DMD: variants seen among roughly 807,000 people sequenced by gnomAD.
The protein encoded by DMD is mutant dystrophin.
Under a neutral mutation model 330.1 loss-of-function variants are expected in DMD, and 63 were observed. The ratio of observed to expected loss-of-function variants is 0.19; its 90% CI spans 0.16 to 0.24. DMD has a LOEUF of 0.24. Among genes scored for constraint, DMD ranks in the 10% least tolerant of loss-of-function variants. The probability of loss-of-function intolerance (pLI) is 1.00; values close to 1 mark genes in which losing one functional copy is unlikely to be tolerated. For missense variants in DMD, 3,344 were observed against 2,684.1 expected, an observed-to-expected ratio of 1.25 and a Z score of -5.43; for synonymous variants, 1,223 against 959.8, an observed-to-expected ratio of 1.27 and a Z score of -5.07.
intron 50 of DMD, among the ~76,000 whole-genome samples, chrX:31,792,598 C>T (rs1031666016): frequency 1.8e-4 from 20 of 112,254 alleles, no homozygotes; most frequent in Admixed American, 8.5e-4. Context: ...TACTTAGTAA[C>T]GAAGCAGGAT....
intron 6 of DMD, among the ~76,000 whole-genome samples, chrX:32,814,942 G>A (rs1406124409): frequency 1.8e-5 from 2 of 111,452 alleles, no homozygotes. Flanking sequence ...GGCCCTTAGT[G>A]TTAAGCATGT....
At chrX:31,716,720 T>A (rs1158212986) in intron 52 of DMD, among the ~76,000 whole-genome samples, 2 of 98,503 alleles carry the variant, frequency 2.0e-5, no homozygotes, top group African/African-American at 7.7e-5. Flanking sequence ...TTGAACTTAA[T>A]TGAAATAAAC....
At chrX:32,476,953 A>G (rs780709101) in intron 21 of DMD, among the ~76,000 whole-genome samples, 3 of 111,545 alleles carry the variant, frequency 2.7e-5, no homozygotes, top group Admixed American at 1.9e-4. Flanking sequence ...AACATATCCA[A>G]TCTAATAACC....
At chrX:33,300,597 T>G (rs996195905) in intron 1 of DMD, among the ~76,000 whole-genome samples, 3 of 111,784 alleles carry the variant, frequency 2.7e-5, no homozygotes, top group Non-Finnish European at 5.7e-5. Flanking sequence ...TGGGAATTTA[T>G]TGGGTCATGA....
At chrX:32,556,867 A>C (rs2050359817) in intron 16 of DMD, among the ~76,000 whole-genome samples, 1 of 111,935 alleles carries the variant, frequency 8.9e-6, no homozygotes, top group Admixed American at 9.5e-5. Context: ...TTGAATATTT[A>C]GATACTTACT....
chrX:32,023,976 A>G (rs1176837637), intron 44 of DMD, among the ~76,000 whole-genome samples: 1 of 111,588 alleles, frequency 9.0e-6, no homozygotes, highest in Non-Finnish European at 1.9e-5. Context: ...TTGAAGAACT[A>G]GTGGTTACCA....
At chrX:32,878,271 G>C (rs1039528118) in intron 2 of DMD, among the ~76,000 whole-genome samples, 2 of 110,813 alleles carry the variant, frequency 1.8e-5, no homozygotes, top group East Asian at 2.9e-4. Context: ...CCAGCTACTC[G>C]GGAGGCTAAG....
At chrX:32,370,224 T>G (rs1167214724) in intron 34 of DMD, among the ~76,000 whole-genome samples, 4 of 109,242 alleles carry the variant, frequency 3.7e-5, no homozygotes, top group Admixed American at 9.8e-5. Flanking sequence ...GTAGTGTTTT[T>G]TTTTTTTTTT....
At chrX:31,137,787 A>T in intron 76 of DMD, among the ~76,000 whole-genome samples, 1 of 110,961 alleles carries the variant, frequency 9.0e-6, no homozygotes, top group Non-Finnish European at 1.9e-5. Context: ...GAGGGCTAGC[A>T]AGGGACAATG....
upstream of DMD, among the ~76,000 whole-genome samples, chrX:33,213,378 C>T (rs1411652254): frequency 1.8e-5 from 2 of 111,656 alleles, no homozygotes; most frequent in African/African-American, 6.5e-5. Flanking sequence ...ATATACTTCC[C>T]TTAAGATTTT....
chrX:32,111,333 CA>C (rs1361927159), intron 44 of DMD, among the ~76,000 whole-genome samples: 1 of 112,044 alleles, frequency 8.9e-6, no homozygotes, highest in African/African-American at 3.2e-5. Flanking sequence ...TTTCTTTAAA[CA>C]ATTTTTTTAT....
At position 32,518,141 on chromosome X, in the gene DMD, C is replaced by T. The variant is rs908140742; in HGVS notation, c.2169-10G>A. 1 of 1,202,953 alleles carries T rather than the reference C, an allele frequency of 8.3e-7. No individual in the cohort carries two copies. The highest frequency in any genetic ancestry group is 2.2e-5 in the Admixed American group (1 of 45,713). On this transcript the variant is annotated splice_polypyrimidine_tract_variant and intron_variant, in intron 17 of 78. Transcript: ENST00000357033. The stretch of plus-strand genomic sequence containing the variant: ...TATATCAACATCCAACCTAAGACAG[C>T]AAAAAATAAAAGTCATTATTTCTTG...
intron 2 of DMD, among the ~76,000 whole-genome samples, chrX:32,861,593 C>T (rs2082079326): frequency 1.8e-5 from 2 of 111,198 alleles, no homozygotes; most frequent in Non-Finnish European, 3.8e-5. Context: ...TCTTAGACTC[C>T]TAAGAATGAA....
intron 1 of DMD, among the ~76,000 whole-genome samples, chrX:33,291,248 G>A (rs1431697439): frequency 2.7e-5 from 3 of 111,434 alleles, no homozygotes; most frequent in Non-Finnish European, 5.7e-5. Context: ...TATTGTTGGA[G>A]TATATCTTAA....
Position 32,491,400 on chromosome X carries a change from G to A in DMD, c.2499C>T (p.Ile833=), listed in dbSNP as rs752188036. Residue 833 remains isoleucine (I), a synonymous_variant, in exon 20 of 79, where the codon ATC becomes ATT. Transcript: ENST00000357033. ...LNWLEYQNNI[I]AFYNQLQQLE... The stretch of plus-strand genomic sequence containing the variant: ...ATTGTTGTAGCTGATTATAGAAAGC[G>A]ATGATGTTGTTCTGATACTCCAGCC... 1.7e-6 allele frequency: 2 copies of A among 1,211,650 alleles called. No individual in the cohort carries two copies. Among genetic ancestry groups the A allele is most frequent in the African/African-American group, 1.7e-5 (1 of 57,768 alleles).
At chrX:32,894,241 A>G (rs2085484983) in intron 2 of DMD, among the ~76,000 whole-genome samples, 1 of 112,216 alleles carries the variant, frequency 8.9e-6, no homozygotes, top group Admixed American at 9.5e-5. Flanking sequence ...CTGAACCCCT[A>G]TAACCCTCAA....
intron 17 of DMD, among the ~76,000 whole-genome samples, chrX:32,528,686 T>C (rs1333069263): frequency 9.0e-6 from 1 of 111,017 alleles, no homozygotes; most frequent in Non-Finnish European, 1.9e-5. Context: ...CTCTACAGCC[T>C]CTTCTCTCTG....
chrX:31,729,090 G>A (rs561707161), intron 52 of DMD, among the ~76,000 whole-genome samples: 18 of 112,098 alleles, frequency 1.6e-4, no homozygotes, highest in East Asian at 1.1e-3. Context: ...TATGCACAGC[G>A]TCTAGTCAGA....
chrX:31,517,698 C>T lies in DMD; in HGVS notation c.8218-10245G>A, dbSNP rs964568786. Among the ~76,000 whole-genome samples, 17 of 110,473 alleles carry T rather than the reference C, an allele frequency of 1.5e-4. No homozygotes were observed. The East Asian group carries it at 3.4e-3, about 22-fold the overall frequency. ...ACCAAAACAGCAGTGGCTTCAGAAT[C>T]AGAGAGAAGGTAAAGAAGAGGGATG... On this transcript the variant is annotated intron_variant, in intron 55 of 78. Transcript: ENST00000357033.
Sources: gnomAD v4.1 joint callset for allele counts (sites outside exome capture counted in the v4.1 genomes callset) on GRCh38, gnomAD v4.1.1 for gene constraint, MANE v1.5 for transcripts, NCBI Gene and HGNC (gene_info 2026-07-23, HGNC 2026-07-21) for gene names.